The following COL2A1 variants were observed in gnomAD, a reference collection of about 807,000 sequenced individuals.
COL2A1 encodes collagen alpha-1(II) chain.
In COL2A1, 28 loss-of-function variants were observed where a neutral mutation model predicts 204.5. The ratio of observed to expected loss-of-function variants is 0.14; its 90% confidence interval spans 0.10 to 0.19. The LOEUF (loss-of-function observed/expected upper bound fraction) is 0.19. COL2A1 is among the 10% of genes least tolerant of loss of function. The pLI, the probability that COL2A1 is intolerant of heterozygous loss-of-function variation, is 1.00. For missense variants in COL2A1, 1,388 were observed against 2,027.5 expected (o/e 0.68, Z 6.06); for synonymous variants, 708 against 718.7 (o/e 0.99, Z 0.24).
At chr12:47,999,634 A>ACTTTTTTT in intron 2 of COL2A1, 1 of 152,618 alleles carries the variant, frequency 6.6e-6, no homozygotes, top group East Asian at 2.6e-4. Context: ...TTCAGAGAGG[A>ACTTTTTTT]TTTTTTTTTT....
intron 2 of COL2A1, 200 bp downstream of exon 2, chr12:47,999,718 AG>A (rs1940142685): frequency 3.8e-6 from 2 of 531,854 alleles, no homozygotes; most frequent in Non-Finnish European, 6.6e-6. Flanking sequence ...TGGGCAAAGA[AG>A]GACCCCTCTA....
At chr12:47,990,289 C>T (rs957226156) in intron 16 of COL2A1, among the ~76,000 whole-genome samples, 2 of 152,218 alleles carry the variant, frequency 1.3e-5, no homozygotes, top group Admixed American at 6.5e-5. Context: ...GGATTACAGG[C>T]GTGAGCCACC....
chr12:47,982,753 T>C (rs1244475110), intron 33 of COL2A1, 95 bp downstream of exon 33: 2 of 1,330,784 alleles, frequency 1.5e-6, no homozygotes, highest in Non-Finnish European at 2.1e-6. Context: ...CCCCCACTTC[T>C]GTTCTTCATT....
upstream of COL2A1, among the ~76,000 whole-genome samples, chr12:48,004,760 C>G (rs895696196): frequency 1.4e-4 from 21 of 152,300 alleles, no homozygotes; most frequent in Non-Finnish European, 2.4e-4. Context: ...GGCGCTGCCC[C>G]CCTCTGACCA....
At chr12:47,977,073 G>A (rs781130640) in intron 47 of COL2A1, 29 bp downstream of exon 47, 2 of 1,595,304 alleles carry the variant, frequency 1.3e-6, no homozygotes, top group Admixed American at 3.6e-5. Flanking sequence ...CCCTGGTGGG[G>A]ACTCAGTGCA....
At chr12:47,975,878 T>A in intron 50 of COL2A1, 85 bp downstream of exon 50, 1 of 1,061,150 alleles carries the variant, frequency 9.4e-7, no homozygotes, top group Non-Finnish European at 1.5e-6. Flanking sequence ...GCTGATGCCC[T>A]AAAAGAGGCC....
At position 47,998,074 on chromosome 12, in the gene COL2A1, A is replaced by G; in HGVS notation, c.343-10T>C. ...CTTTGGGTCCTACAATCTGTGAGAG[A>G]GAGCCCCACAGGATGGTAAGTTAGA... On this transcript the variant is annotated splice_polypyrimidine_tract_variant and intron_variant, in intron 4 of 53. Transcript: ENST00000380518. 1 of 1,614,196 alleles carries G rather than the reference A, an allele frequency of 6.2e-7. No individual in the cohort carries two copies. Among genetic ancestry groups the G allele is most frequent in the Admixed American group, 1.7e-5 (1 of 60,028 alleles).
At chr12:47,985,453 C>A in intron 26 of COL2A1, 81 bp downstream of exon 26, 1 of 1,476,448 alleles carries the variant, frequency 6.8e-7, no homozygotes, top group Non-Finnish European at 9.5e-7. Context: ...GCCTCCCTAA[C>A]CCAAACTCCA....
At chr12:47,999,655 T>TTTG in intron 2 of COL2A1, 1 of 185,846 alleles carries the variant, frequency 5.4e-6, no homozygotes, top group South Asian at 1.7e-4. Context: ...TTTTTTTTTG[T>TTTG]AGAATCACAT....
intron 18 of COL2A1, 120 bp downstream of exon 18, chr12:47,989,108 G>T: frequency 2.4e-6 from 2 of 825,250 alleles, no homozygotes; most frequent in Non-Finnish European, 2.0e-6. Flanking sequence ...GGGTGGGGTG[G>T]TGGGGAGCTA....
intron 28 of COL2A1, 133 bp downstream of exon 28, chr12:47,984,413 T>C: frequency 1.0e-6 from 1 of 955,610 alleles, no homozygotes; most frequent in South Asian, 1.5e-5. Flanking sequence ...CCAGCCAGCA[T>C]GGGGCTCAGC....
At chr12:48,000,685 A>C (rs1393910850) in intron 1 of COL2A1, among the ~76,000 whole-genome samples, 1 of 152,242 alleles carries the variant, frequency 6.6e-6, no homozygotes, top group Non-Finnish European at 1.5e-5. Flanking sequence ...AAAAATTGGA[A>C]TCTATAAGCA....
chr12:47,996,209 G>A (rs2136620486), intron 8 of COL2A1, among the ~76,000 whole-genome samples: 1 of 152,346 alleles, frequency 6.6e-6, no homozygotes, highest in Middle Eastern at 3.4e-3. Flanking sequence ...TGCGGGCTGA[G>A]ATTTCCTGCT....
Position 47,981,842 on chromosome 12 carries a change from C to A in COL2A1, c.2356-13G>T. ...GACCTGTCAGGCCCTGCGGGGAGAG[C>A]AGGTAGAGGTGAGGGAGGCAGGCTG... On this transcript the variant is annotated splice_polypyrimidine_tract_variant and intron_variant, in intron 35 of 53. Coordinates refer to ENST00000380518, the MANE Select transcript of COL2A1 (RefSeq NM_001844.5). The A allele has an allele frequency of 6.4e-7, 1 of 1,553,890 alleles. No homozygotes were observed. Among genetic ancestry groups the A allele is most frequent in the Non-Finnish European group, 8.7e-7 (1 of 1,148,496 alleles).
In COL2A1 at chr12:47,980,384, C is replaced by A. The variant is rs1938987508; in HGVS notation, c.2625+170G>T. The stretch of plus-strand genomic sequence containing the variant: ...TGTGGCCAGCCTGTACTCTGTCAGT[C>A]CCTACACCCCACCCACACAGCCCAC... On this transcript the variant is annotated intron_variant, in intron 39 of 53. Transcript: ENST00000380518. The surrounding 1 kb of genome is among the most constrained non-coding windows in gnomAD (Gnocchi z 4.5). 6.6e-6 allele frequency among the ~76,000 whole-genome samples: 1 copy of A among 152,154 alleles called. No homozygotes were observed. Among genetic ancestry groups the A allele is most frequent in the Admixed American group, 6.5e-5 (1 of 15,282 alleles).
At chr12:47,983,509 T>G (rs1939209836) in intron 30 of COL2A1, 71 bp from the exon 31 acceptor site, 1 of 1,531,196 alleles carries the variant, frequency 6.5e-7, no homozygotes, top group African/African-American at 1.4e-5. Flanking sequence ...AGGCACAGTA[T>G]AGGGCAGACC....
In COL2A1 at chr12:47,975,667, C is replaced by T. The variant is rs553076996; in HGVS notation, c.3598-62G>A. On this transcript the variant is annotated intron_variant, in intron 50 of 53. Coordinates refer to ENST00000380518, the MANE Select transcript of COL2A1 (RefSeq NM_001844.5). ...TGAAAGTGCCCCTCCATGTCCATCC[C>T]CATTTGCTAGAATGTACTAGAGTGT... The T allele has an allele frequency of 1.4e-4, 214 of 1,552,164 alleles. 1 individual carries two copies. In the African/African-American group the frequency reaches 1.9e-3, roughly 13 times the overall value.
Position 48,000,145 on chromosome 12 carries a change from G to T in COL2A1, c.86-20C>A, listed in dbSNP as rs781187677. ...CCTCCTCTGCACCAAGGGTGGGGAG[G>T]GAGAAGCAGAGAGCCAAGGGAAGGA... On this transcript the variant is annotated intron_variant, in intron 1 of 53. Coordinates refer to ENST00000380518, the MANE Select transcript of COL2A1 (RefSeq NM_001844.5). 2 of 1,594,366 alleles carry T rather than the reference G, an allele frequency of 1.3e-6. No individual in the cohort carries two copies. Among genetic ancestry groups the T allele is most frequent in the Middle Eastern group, 2.0e-4 (1 of 5,122 alleles).
chr12:47,997,792 C>T, intron 6 of COL2A1, 79 bp downstream of exon 6: 10 of 1,610,610 alleles, frequency 6.2e-6, no homozygotes, highest in Non-Finnish European at 8.5e-6. Context: ...TAAGAGGTGA[C>T]CAGGCCCTTA....
Sources: gnomAD v4.1 joint callset for allele counts (sites outside exome capture counted in the v4.1 genomes callset) on GRCh38, gnomAD v4.1.1 for gene constraint, Gnocchi (gnomAD v3.1) non-coding constraint, MANE v1.5 for transcripts, NCBI Gene and HGNC (gene_info 2026-07-23, HGNC 2026-07-21) for gene names.